SNTG1: variants seen among roughly 807,000 people sequenced by gnomAD.
The protein encoded by SNTG1 is syntrophin gamma 1.
A neutral mutation model predicts 74.7 loss-of-function variants in SNTG1; 39 were observed. The ratio of observed to expected loss-of-function variants is 0.52; its 90% CI spans 0.40 to 0.68. The LOEUF (loss-of-function observed/expected upper bound fraction) is 0.68. Among genes scored for constraint, SNTG1 ranks in the 30% least tolerant of loss-of-function variants. SNTG1 has a pLI of 0.00. For synonymous variants in SNTG1, 254 were observed against 217.1 expected, an observed-to-expected ratio of 1.17 and a Z score of -1.49; for missense variants, 685 against 609.5, an observed-to-expected ratio of 1.12 and a Z score of -1.30.
Position 50,125,356 on chromosome 8 carries a change from T to C in SNTG1, c.-102-47205T>C, listed in dbSNP as rs1020502096. 9.8e-5 allele frequency among the ~76,000 whole-genome samples: 14 copies of C among 142,442 alleles called. 2 individuals are homozygous for C. The highest frequency in any genetic ancestry group is 7.8e-5 in the Non-Finnish European group (5 of 63,840). 93.4% of individuals were successfully genotyped at this position (142,442 alleles called of 152,430 possible). A position where few individuals can be genotyped will look rare whatever the true frequency, so the allele number is the denominator to read the frequency against. ...TATAAACAGTATCAAGATAATGTAG[T>C]AGTTATTATTTTTAAAATGCATTAG... On this transcript the variant is annotated intron_variant, in intron 1 of 18. Coordinates refer to ENST00000642720, the MANE Select transcript of SNTG1 (RefSeq NM_018967.5).
chr8:50,686,984 A>G (rs1585528705), intron 15 of SNTG1, among the ~76,000 whole-genome samples: 5 of 148,338 alleles, frequency 3.4e-5, no homozygotes, highest in African/African-American at 1.0e-4. Context: ...AAATACAAAA[A>G]ATTAGCCGGG....
chr8:50,301,806 T>G (rs1343539019), intron 2 of SNTG1, among the ~76,000 whole-genome samples: 3 of 152,128 alleles, frequency 2.0e-5, no homozygotes, highest in Non-Finnish European at 2.9e-5. Context: ...AAACATGTAT[T>G]TATTGAAGTT....
intron 2 of SNTG1, among the ~76,000 whole-genome samples, chr8:50,214,299 C>A (rs1340395366): frequency 2.0e-5 from 3 of 149,894 alleles, no homozygotes; most frequent in South Asian, 4.3e-4. Context: ...AGGAGATATA[C>A]CTAATGCTAA....
chr8:50,031,261 T>C (rs1404385743), intron 1 of SNTG1, among the ~76,000 whole-genome samples: 1 of 152,068 alleles, frequency 6.6e-6, no homozygotes, highest in Non-Finnish European at 1.5e-5. Flanking sequence ...GGGTTATTTC[T>C]ATAGATCACC....
intron 2 of SNTG1, among the ~76,000 whole-genome samples, chr8:50,278,089 C>T (rs1342828533): frequency 6.6e-6 from 1 of 152,070 alleles, no homozygotes; most frequent in East Asian, 1.9e-4. Context: ...GGGAGAATCA[C>T]TTGAACCCAG....
intron 13 of SNTG1, among the ~76,000 whole-genome samples, chr8:50,601,955 A>C (rs537303502): frequency 6.6e-6 from 1 of 151,918 alleles, no homozygotes; most frequent in African/African-American, 2.4e-5. Flanking sequence ...TTTTTGTTTC[A>C]ATTAGCATGG....
chr8:50,145,541 C>A (rs2081829639), intron 1 of SNTG1, among the ~76,000 whole-genome samples: 1 of 152,100 alleles, frequency 6.6e-6, no homozygotes, highest in Admixed American at 6.6e-5. Context: ...TAGACTTACT[C>A]AAGATGAAAC....
intron 12 of SNTG1, among the ~76,000 whole-genome samples, chr8:50,564,989 C>T (rs1001928228): frequency 2.0e-5 from 3 of 151,944 alleles, no homozygotes; most frequent in African/African-American, 4.8e-5. Context: ...GGGTGGTTAA[C>T]GTCAACTGTG....
chr8:50,542,469 C>T (rs2094355727), intron 11 of SNTG1, among the ~76,000 whole-genome samples: 1 of 152,094 alleles, frequency 6.6e-6, no homozygotes, highest in African/African-American at 2.4e-5. Flanking sequence ...ATGTATACTA[C>T]ACTTTCTTTA....
chr8:50,378,500 G>A (rs1251753596), intron 2 of SNTG1, among the ~76,000 whole-genome samples: 1 of 152,158 alleles, frequency 6.6e-6, no homozygotes, highest in African/African-American at 2.4e-5. Context: ...GAGTTCTTGT[G>A]CTGTGACCAG....
intron 2 of SNTG1, among the ~76,000 whole-genome samples, chr8:50,315,185 C>T (rs1302700758): frequency 6.7e-6 from 1 of 149,526 alleles, no homozygotes; most frequent in Non-Finnish European, 1.5e-5. Flanking sequence ...GCAGTGGTCA[C>T]TGAGGAATGT....
chr8:50,455,238 T>A (rs1453307132), intron 8 of SNTG1, among the ~76,000 whole-genome samples: 1 of 152,192 alleles, frequency 6.6e-6, no homozygotes, highest in Non-Finnish European at 1.5e-5. Flanking sequence ...TTGAAAGAGA[T>A]CATCATTAGG....
chr8:50,261,152 G>A (rs181805883), intron 2 of SNTG1, among the ~76,000 whole-genome samples: 195 of 152,202 alleles, frequency 1.3e-3, no homozygotes, highest in Middle Eastern at 3.4e-3. Context: ...ACATGAAAAA[G>A]TGAGGTAGGG....
At chr8:50,492,479 C>T (rs994375267) in intron 8 of SNTG1, among the ~76,000 whole-genome samples, 1 of 152,198 alleles carries the variant, frequency 6.6e-6, no homozygotes, top group African/African-American at 2.4e-5. Flanking sequence ...ATTTGCATTT[C>T]TCTAATGACC....
At chr8:50,746,056 G>T (rs1208933391) in intron 17 of SNTG1, among the ~76,000 whole-genome samples, 1 of 151,836 alleles carries the variant, frequency 6.6e-6, no homozygotes, top group East Asian at 1.9e-4. Flanking sequence ...CACACCAAAA[G>T]AAAATGTGAA....
At chr8:50,593,717 CTTTTT>C (rs1183759564) in intron 13 of SNTG1, among the ~76,000 whole-genome samples, 1 of 136,066 alleles carries the variant, frequency 7.3e-6, no homozygotes, top group Non-Finnish European at 1.6e-5. Context: ...TGATTTGGTT[CTTTTT>C]TTTTTTTTTT....
chr8:50,748,229 T>C (rs1205008600), intron 17 of SNTG1, among the ~76,000 whole-genome samples: 1 of 152,032 alleles, frequency 6.6e-6, no homozygotes, highest in East Asian at 1.9e-4. Flanking sequence ...AGATAAACAT[T>C]TTCTCACTCC....
At chr8:49,986,465 A>T (rs1813161474) in intron 1 of SNTG1, among the ~76,000 whole-genome samples, 1 of 152,144 alleles carries the variant, frequency 6.6e-6, no homozygotes, top group Non-Finnish European at 1.5e-5. Context: ...AATATTAATG[A>T]CTTTTCCAAT....
At chr8:50,080,408 A>G (rs1822298628) in intron 1 of SNTG1, among the ~76,000 whole-genome samples, 1 of 152,176 alleles carries the variant, frequency 6.6e-6, no homozygotes, top group South Asian at 2.1e-4. Flanking sequence ...CATTTTTATC[A>G]AGACTGATGA....
Sources: allele counts gnomAD v4.1 joint callset (sites outside exome capture counted in the v4.1 genomes callset), GRCh38; gene constraint gnomAD v4.1.1; transcripts MANE v1.5; gene names NCBI Gene and HGNC (gene_info 2026-07-23, HGNC 2026-07-21).